The following ZMIZ1 variants were observed in gnomAD, a reference collection of about 807,000 sequenced individuals.
ZMIZ1 encodes the protein zinc finger MIZ-type containing 1.
A neutral mutation model predicts 113.9 loss-of-function variants in ZMIZ1; 17 were observed. That is an observed-to-expected ratio of 0.15 (90% CI 0.10 to 0.22). The LOEUF is 0.22. ZMIZ1 is among the 10% of genes least tolerant of loss of function. The pLI, the probability that ZMIZ1 is intolerant of heterozygous loss-of-function variation, is 1.00. For missense variants in ZMIZ1, 1,059 were observed against 1,477.8 expected, an observed-to-expected ratio of 0.72 and a Z score of 4.65; for synonymous variants, 607 against 603.1, an observed-to-expected ratio of 1.01 and a Z score of -0.09.
rs575644249 is a variant in ZMIZ1 at position 79,283,413 on chromosome 10, G to A, written c.425+6088G>A. ...CAGTGGCAGGAGTGGTGTGCTTGTC[G>A]CCAAGCCTGGCACACTGGGAGCCCA... is the stretch of plus-strand genomic sequence containing the variant. On this transcript the variant is annotated intron_variant, in intron 8 of 24. Coordinates refer to ENST00000334512, the MANE Select transcript of ZMIZ1 (RefSeq NM_020338.4). Among the ~76,000 whole-genome samples the A allele has an allele frequency of 2.1e-3, 318 of 152,278 alleles. 2 individuals carry two copies. Among genetic ancestry groups the A allele is most frequent in the African/African-American group, 6.9e-3 (288 of 41,562 alleles).
intron 7 of ZMIZ1, among the ~76,000 whole-genome samples, chr10:79,275,531 C>T (rs1216848543): frequency 6.6e-6 from 1 of 152,214 alleles, no homozygotes. Context: ...AGGATCTGGG[C>T]GGCTTGGGAT....
intron 1 of ZMIZ1, among the ~76,000 whole-genome samples, chr10:79,085,004 CA>C (rs1279338574): frequency 1.3e-5 from 2 of 152,164 alleles, no homozygotes; most frequent in Non-Finnish European, 2.9e-5. Flanking sequence ...TAGTGCTTGC[CA>C]GGGGCCCTTG....
chr10:79,191,373 C>CA (rs1554865979), intron 4 of ZMIZ1, among the ~76,000 whole-genome samples: 2 of 151,080 alleles, frequency 1.3e-5, no homozygotes, highest in African/African-American at 2.4e-5. Context: ...AGCTGGTGGT[C>CA]GGGGGGGGTC....
intron 1 of ZMIZ1, among the ~76,000 whole-genome samples, chr10:79,080,813 G>A (rs916275147): frequency 1.3e-5 from 2 of 152,066 alleles, no homozygotes; most frequent in African/African-American, 4.8e-5. Context: ...GAATCCTCAT[G>A]GGCCTCAGAA....
At chr10:79,284,192 C>T (rs1181129830) in intron 8 of ZMIZ1, among the ~76,000 whole-genome samples, 2 of 152,162 alleles carry the variant, frequency 1.3e-5, no homozygotes, top group African/African-American at 2.4e-5. Flanking sequence ...AGCAAAACCT[C>T]GATCATTGCC....
chr10:79,282,410 T>C (rs1385010347), intron 8 of ZMIZ1, among the ~76,000 whole-genome samples: 1 of 152,194 alleles, frequency 6.6e-6, no homozygotes, highest in Non-Finnish European at 1.5e-5. Context: ...GTCTGAAGGC[T>C]CTGAGGACGA....
At chr10:79,292,642 G>A (rs1203437889) in intron 11 of ZMIZ1, 2 of 510,396 alleles carry the variant, frequency 3.9e-6, no homozygotes. Flanking sequence ...ATGGGGAAAA[G>A]GTTCTACATG....
At chr10:79,087,677 C>A (rs1202313806) in intron 1 of ZMIZ1, among the ~76,000 whole-genome samples, 2 of 152,256 alleles carry the variant, frequency 1.3e-5, no homozygotes, top group Non-Finnish European at 2.9e-5. Context: ...TCTCTACGAT[C>A]TACAATCTGA....
At chr10:79,147,982 T>C (rs1022475086) in intron 3 of ZMIZ1, among the ~76,000 whole-genome samples, 12 of 152,190 alleles carry the variant, frequency 7.9e-5, no homozygotes, top group African/African-American at 2.4e-4. Context: ...CAGGCCTTCA[T>C]CGAGGTTTGT....
chr10:79,292,618 A>T (rs1032432823), intron 11 of ZMIZ1, among the ~76,000 whole-genome samples: 1 of 152,076 alleles, frequency 6.6e-6, no homozygotes, highest in African/African-American at 2.4e-5. Flanking sequence ...TTGGTGGCTC[A>T]TGTACAACTG....
At chr10:79,137,015 A>G (rs1845038494) in intron 2 of ZMIZ1, among the ~76,000 whole-genome samples, 1 of 152,228 alleles carries the variant, frequency 6.6e-6, no homozygotes, top group South Asian at 2.1e-4. Context: ...ATGGATTCCT[A>G]AGAATATAGG....
At chr10:79,208,610 TC>T (rs35380943) in intron 6 of ZMIZ1, among the ~76,000 whole-genome samples, 161 bp downstream of exon 6, 17,395 of 152,042 alleles carry the variant, frequency 0.11, 1,209 homozygotes, top group East Asian at 0.3. Context: ...ATTTGGTGTG[TC>T]CCCCACGTGC....
chr10:79,083,347 C>T (rs1437107635), intron 1 of ZMIZ1, among the ~76,000 whole-genome samples: 1 of 152,118 alleles, frequency 6.6e-6, no homozygotes, highest in Non-Finnish European at 1.5e-5. Context: ...TGTGCAAAGG[C>T]CCTGTGGCAG....
intron 7 of ZMIZ1, among the ~76,000 whole-genome samples, chr10:79,248,748 G>A (rs754097707): frequency 2.6e-5 from 4 of 152,194 alleles, no homozygotes; most frequent in Non-Finnish European, 5.9e-5. Context: ...TCCTGGAAAA[G>A]AGAGGCAGTC....
At chr10:79,225,411 G>T (rs947511027) in intron 7 of ZMIZ1, among the ~76,000 whole-genome samples, 1 of 152,130 alleles carries the variant, frequency 6.6e-6, no homozygotes, top group Admixed American at 6.5e-5. Flanking sequence ...ATGATGGAGG[G>T]TGAGCCAGTT....
chr10:79,246,375 A>G (rs563612192), intron 7 of ZMIZ1, among the ~76,000 whole-genome samples: 2 of 152,354 alleles, frequency 1.3e-5, no homozygotes, highest in South Asian at 4.1e-4. Flanking sequence ...GTCCTCAGGA[A>G]CAGAGAGTTC....
At chr10:79,248,203 G>C (rs1850325577) in intron 7 of ZMIZ1, among the ~76,000 whole-genome samples, 2 of 152,172 alleles carry the variant, frequency 1.3e-5, no homozygotes, top group South Asian at 2.1e-4. Context: ...GGGGAAAATG[G>C]TGACTTTCAG....
chr10:79,209,536 G>A (rs1423184169), intron 6 of ZMIZ1, among the ~76,000 whole-genome samples: 4 of 152,252 alleles, frequency 2.6e-5, no homozygotes. Flanking sequence ...CTATCCTGAG[G>A]CTGGGAGAGG....
chr10:79,209,475 C>G (rs1192344996), intron 6 of ZMIZ1, among the ~76,000 whole-genome samples: 2 of 152,232 alleles, frequency 1.3e-5, no homozygotes, highest in Non-Finnish European at 2.9e-5. Context: ...TCAGAAGGCC[C>G]TGAGTCCACT....
Sources: allele counts gnomAD v4.1 joint callset (sites outside exome capture counted in the v4.1 genomes callset), GRCh38; gene constraint gnomAD v4.1.1; transcripts MANE v1.5; gene names NCBI Gene and HGNC (gene_info 2026-07-23, HGNC 2026-07-21).